The following CMSS1 variants were observed in gnomAD, a reference collection of about 807,000 sequenced individuals.
CMSS1 encodes the protein protein CMSS1.
CMSS1 carries 33 observed loss-of-function variants against 43.5 expected under a neutral mutation model. That is an observed-to-expected ratio of 0.76 (90% CI 0.57 to 1.01). The LOEUF is 1.01. CMSS1 is among the 50% of genes least tolerant of loss of function. CMSS1 has a pLI of 0.00. For missense variants in CMSS1, 313 were observed against 326.4 expected, an observed-to-expected ratio of 0.96 and a Z score of 0.32; for synonymous variants, 115 against 117.2, an observed-to-expected ratio of 0.98 and a Z score of 0.12.
intron 1 of CMSS1, among the ~76,000 whole-genome samples, chr3:99,912,501 C>G (rs1398172393): frequency 2.0e-5 from 3 of 152,146 alleles, no homozygotes. Context: ...CCTCAGCCGC[C>G]CAGGTAGCTG....
intron 1 of CMSS1, among the ~76,000 whole-genome samples, chr3:100,135,990 G>A (rs927169068): frequency 2.0e-5 from 3 of 152,058 alleles, no homozygotes; most frequent in Admixed American, 6.5e-5. Context: ...TCTCAACTAG[G>A]AAAATAGGAG....
intron 1 of CMSS1, among the ~76,000 whole-genome samples, chr3:99,993,714 T>C (rs1406953340): frequency 6.6e-6 from 1 of 152,220 alleles, no homozygotes; most frequent in African/African-American, 2.4e-5. Flanking sequence ...CAAATGCTTT[T>C]TCTGTGTATA....
At chr3:100,095,497 T>A (rs2066189386) in intron 1 of CMSS1, among the ~76,000 whole-genome samples, 1 of 152,138 alleles carries the variant, frequency 6.6e-6, no homozygotes, top group African/African-American at 2.4e-5. Context: ...TTGACAGTCA[T>A]ACCGAGAACA....
intron 1 of CMSS1, among the ~76,000 whole-genome samples, chr3:99,953,034 CT>C (rs1708222732): frequency 6.6e-6 from 1 of 152,032 alleles, no homozygotes; most frequent in Admixed American, 6.5e-5. Flanking sequence ...TTCCTTTTCT[CT>C]ATCAAGTGCC....
chr3:99,835,053 A>G (rs1196321030), intron 1 of CMSS1, among the ~76,000 whole-genome samples: 1 of 152,064 alleles, frequency 6.6e-6, no homozygotes, highest in Non-Finnish European at 1.5e-5. Flanking sequence ...TAAGATGCCT[A>G]TTTCTTGGTC....
At position 99,983,488 on chromosome 3, in the gene CMSS1, A is replaced by G. The variant is rs369578377; in HGVS notation, c.65-163485A>G. On this transcript the variant is annotated intron_variant, in intron 1 of 9. Coordinates refer to ENST00000421999, the MANE Select transcript of CMSS1 (RefSeq NM_032359.4). ...TGTATATATATATATATATATATAT[A>G]TATATATATATATATATATATGTAT... Among the ~76,000 whole-genome samples the G allele has an allele frequency of 4.5e-3, 121 of 26,898 alleles. 4 individuals are homozygous for G. Among genetic ancestry groups the G allele is most frequent in the East Asian group, 0.014 (7 of 514 alleles). The allele number at this position is 26,898 out of a possible 152,430, so 17.6% of individuals were successfully genotyped here.
At chr3:99,878,235 A>G (rs1165502207) in intron 1 of CMSS1, among the ~76,000 whole-genome samples, 1 of 152,186 alleles carries the variant, frequency 6.6e-6, no homozygotes, top group African/African-American at 2.4e-5. Context: ...AGGAACCAAT[A>G]TTAATAGCCC....
intron 1 of CMSS1, among the ~76,000 whole-genome samples, chr3:99,902,744 G>C (rs1308758931): frequency 6.6e-6 from 1 of 152,166 alleles, no homozygotes; most frequent in Non-Finnish European, 1.5e-5. Flanking sequence ...TCCATGTTAT[G>C]CTTTCTACTA....
At chr3:99,828,981 C>T (rs1266218950) in intron 1 of CMSS1, among the ~76,000 whole-genome samples, 2 of 151,954 alleles carry the variant, frequency 1.3e-5, no homozygotes, top group African/African-American at 4.8e-5. Flanking sequence ...TCAATGCTGC[C>T]CAGGCCTCTA....
At chr3:100,001,295 T>A (rs1709835217) in intron 1 of CMSS1, among the ~76,000 whole-genome samples, 1 of 152,230 alleles carries the variant, frequency 6.6e-6, no homozygotes, top group South Asian at 2.1e-4. Context: ...GCTATACTCC[T>A]TCATTTACAT....
intron 1 of CMSS1, among the ~76,000 whole-genome samples, chr3:99,944,095 A>G (rs1297744963): frequency 6.6e-6 from 1 of 152,196 alleles, no homozygotes; most frequent in South Asian, 2.1e-4. Context: ...GAAAATAACT[A>G]GTGGATTTTT....
intron 1 of CMSS1, among the ~76,000 whole-genome samples, chr3:99,927,621 G>A (rs1198464387): frequency 1.3e-5 from 2 of 151,976 alleles, no homozygotes; most frequent in East Asian, 1.9e-4. Flanking sequence ...TGCCTGCCTC[G>A]GCCTCCCAAA....
At chr3:100,059,325 T>C (rs1000338402) in intron 1 of CMSS1, among the ~76,000 whole-genome samples, 2 of 152,234 alleles carry the variant, frequency 1.3e-5, no homozygotes, top group African/African-American at 4.8e-5. Context: ...GAGCCTTCCA[T>C]GTGACATCTT....
intron 1 of CMSS1, among the ~76,000 whole-genome samples, chr3:99,988,491 G>A (rs1205065521): frequency 3.4e-5 from 4 of 118,088 alleles, no homozygotes; most frequent in Admixed American, 2.3e-4. Flanking sequence ...CAGCCTGGGC[G>A]ACAGAGCGAG....
chr3:100,090,581 T>C (rs1300046621), intron 1 of CMSS1, among the ~76,000 whole-genome samples: 1 of 152,194 alleles, frequency 6.6e-6, no homozygotes, highest in East Asian at 1.9e-4. Flanking sequence ...CTGGGCTCTT[T>C]CTCTGCAACA....
chr3:99,927,708 A>T (rs1707340320), intron 1 of CMSS1, among the ~76,000 whole-genome samples: 1 of 151,822 alleles, frequency 6.6e-6, no homozygotes, highest in Non-Finnish European at 1.5e-5. Context: ...AACTAAGAAT[A>T]CCTTAGGCTA....
intron 4 of CMSS1, 70 bp downstream of exon 4, chr3:100,162,502 C>T: frequency 6.6e-7 from 1 of 1,511,898 alleles, no homozygotes; most frequent in Non-Finnish European, 9.0e-7. Context: ...TTAGGTGTCT[C>T]AGGCAGTCAA....
At chr3:99,882,846 T>A (rs953624666) in intron 1 of CMSS1, among the ~76,000 whole-genome samples, 3 of 152,244 alleles carry the variant, frequency 2.0e-5, no homozygotes, top group African/African-American at 7.2e-5. Context: ...TTAGAAATGT[T>A]TTCTTTTGTT....
intron 1 of CMSS1, 39 bp downstream of exon 1, chr3:99,818,082 C>T (rs758514251): frequency 1.3e-6 from 2 of 1,594,584 alleles, no homozygotes; most frequent in African/African-American, 1.3e-5. Context: ...GGGCCTCTCC[C>T]GGAGCCCTTC....
Sources: allele counts gnomAD v4.1 joint callset (sites outside exome capture counted in the v4.1 genomes callset), GRCh38; gene constraint gnomAD v4.1.1; transcripts MANE v1.5; gene names NCBI Gene and HGNC (gene_info 2026-07-23, HGNC 2026-07-21).